Variants in TENM3 observed in about 807,000 individuals in gnomAD.
The protein encoded by TENM3 is teneurin transmembrane protein 3.
A neutral mutation model predicts 255.1 loss-of-function variants in TENM3; 63 were observed. That is an observed-to-expected ratio of 0.25 (90% CI 0.20 to 0.30). The LOEUF (loss-of-function observed/expected upper bound fraction) is 0.30, where lower values mean the gene tolerates loss of function less well. Among genes scored for constraint, TENM3 ranks in the 10% least tolerant of loss-of-function variants. TENM3 has a pLI of 1.00. For missense variants in TENM3, 2,929 were observed against 3,461.1 expected (o/e 0.85, Z 3.86); for synonymous variants, 1,306 against 1,322.3 (o/e 0.99, Z 0.27).
chr4:182,148,850 A>T (rs765718870), intron 1 of TENM3, among the ~76,000 whole-genome samples: 11 of 151,878 alleles, frequency 7.2e-5, no homozygotes, highest in African/African-American at 4.8e-5. Flanking sequence ...CCACTTTAAG[A>T]TTTTCTTGGG....
chr4:181,762,444 A>G, the TENM3 span, among the ~76,000 whole-genome samples: 1 of 152,152 alleles, frequency 6.6e-6, no homozygotes, highest in South Asian at 2.1e-4. Flanking sequence ...TGCTTAATGC[A>G]TCATGCTCTC....
In TENM3 at chr4:182,788,951, C is replaced by T. The variant is rs962797587; in HGVS notation, c.5305-142C>T. ...TTTTAAAAGAGCAGTTAATCTACTG[C>T]CTTGCACTTGTACCCAAGAAGTTGC... On this transcript the variant is annotated intron_variant, in intron 24 of 27. Coordinates refer to ENST00000511685, the MANE Select transcript of TENM3 (RefSeq NM_001080477.4). 45 of 669,648 alleles carry T rather than the reference C, an allele frequency of 6.7e-5. 1 individual carries two copies. The highest frequency in any genetic ancestry group is 1.0e-4 in the Non-Finnish European group (42 of 407,248). 41.5% of individuals were successfully genotyped at this position (669,648 alleles called of 1,614,324 possible).
intron 2 of TENM3, among the ~76,000 whole-genome samples, chr4:182,331,381 A>G (rs745379421): frequency 6.6e-6 from 1 of 152,082 alleles, no homozygotes; most frequent in South Asian, 2.1e-4. Context: ...CCCGGTCTCT[A>G]CTAAAAATAC....
chr4:182,321,514 T>C (rs1461688146), intron 1 of TENM3, among the ~76,000 whole-genome samples: 1 of 152,060 alleles, frequency 6.6e-6, no homozygotes, highest in Non-Finnish European at 1.5e-5. Context: ...TAAGTCCAGC[T>C]ACTCGGGAGG....
the TENM3 span, among the ~76,000 whole-genome samples, chr4:181,577,160 A>T: frequency 6.0e-5 from 8 of 133,738 alleles, no homozygotes; most frequent in South Asian, 4.3e-4. Flanking sequence ...TATATATATA[A>T]ATAATATATA....
At chr4:181,516,124 A>G in the TENM3 span, among the ~76,000 whole-genome samples, 1 of 152,188 alleles carries the variant, frequency 6.6e-6, no homozygotes, top group Admixed American at 6.5e-5. Context: ...GAAACACTGC[A>G]TGTTCTCACT....
chr4:182,771,498 TGG>T lies in TENM3; in HGVS notation c.4893-1964_4893-1963del, dbSNP rs35700441. Among the ~76,000 whole-genome samples the T allele has an allele frequency of 4.1e-3, 569 of 140,196 alleles. 8 individuals are homozygous for T. Among genetic ancestry groups the T allele is most frequent in the Non-Finnish European group, 6.2e-3 (398 of 64,368 alleles). 92.0% of individuals were successfully genotyped at this position (140,196 alleles called of 152,430 possible). A position where few individuals can be genotyped will look rare whatever the true frequency, so the allele number is the denominator to read the frequency against. ...GTATTTTCATTTTCCGTCTCTGAAATGGGGGGGGGGGAAATAGTACAATACAG... is the reference window on the plus strand; with the variant it reads ...GTATTTTCATTTTCCGTCTCTGAAATGGGGGGGGGAAATAGTACAATACAG... On this transcript the variant is annotated intron_variant, in intron 22 of 27. Coordinates refer to ENST00000511685, the MANE Select transcript of TENM3 (RefSeq NM_001080477.4).
chr4:182,081,290 T>A, the TENM3 span, among the ~76,000 whole-genome samples: 3 of 151,932 alleles, frequency 2.0e-5, no homozygotes, highest in African/African-American at 7.2e-5. Flanking sequence ...AAGAAGGATG[T>A]CTCAGGCCAG....
At chr4:182,540,558 A>G (rs1740771877) in intron 3 of TENM3, among the ~76,000 whole-genome samples, 1 of 152,140 alleles carries the variant, frequency 6.6e-6, no homozygotes, top group South Asian at 2.1e-4. Flanking sequence ...TTGCACTCCA[A>G]CCTGGAGAAG....
intron 3 of TENM3, among the ~76,000 whole-genome samples, chr4:182,398,886 A>G (rs1769037118): frequency 6.6e-6 from 1 of 152,202 alleles, no homozygotes; most frequent in Non-Finnish European, 1.5e-5. Flanking sequence ...TTTGGGAGTT[A>G]AAAAATGGAT....
At chr4:182,598,576 A>G (rs1369024229) in intron 3 of TENM3, among the ~76,000 whole-genome samples, 2 of 152,232 alleles carry the variant, frequency 1.3e-5, no homozygotes, top group African/African-American at 4.8e-5. Context: ...AAACATGATG[A>G]TAATGGATCT....
the TENM3 span, among the ~76,000 whole-genome samples, chr4:182,027,701 T>C: frequency 6.6e-6 from 1 of 152,198 alleles, no homozygotes; most frequent in Non-Finnish European, 1.5e-5. Flanking sequence ...CATCAAATGC[T>C]TTTTAAGCAT....
chr4:182,066,626 T>C, the TENM3 span, among the ~76,000 whole-genome samples: 1 of 146,404 alleles, frequency 6.8e-6, no homozygotes, highest in Non-Finnish European at 1.5e-5. Context: ...ATATATAAGC[T>C]TGGGCCAGGC....
the TENM3 span, among the ~76,000 whole-genome samples, chr4:181,523,949 G>T: frequency 6.6e-5 from 10 of 152,092 alleles, no homozygotes; most frequent in Non-Finnish European, 1.3e-4. Context: ...GTCTTTGTTG[G>T]TTTCCTTTTT....
the TENM3 span, among the ~76,000 whole-genome samples, chr4:181,551,797 G>A: frequency 0.13 from 19,136 of 146,376 alleles, 1,448 homozygotes; most frequent in Middle Eastern, 0.26. Flanking sequence ...TTGCAAAATA[G>A]GCAGTTAATA....
the TENM3 span, among the ~76,000 whole-genome samples, chr4:181,616,306 C>A: frequency 1.8e-5 from 2 of 108,684 alleles, no homozygotes; most frequent in Non-Finnish European, 1.9e-5. Flanking sequence ...AAAAAAGAAC[C>A]CATAGAATAC....
At chr4:181,971,714 G>A in the TENM3 span, among the ~76,000 whole-genome samples, 1 of 151,968 alleles carries the variant, frequency 6.6e-6, no homozygotes, top group South Asian at 2.1e-4. Flanking sequence ...CCACAGGCAT[G>A]CACCACCATG....
intron 1 of TENM3, among the ~76,000 whole-genome samples, chr4:182,149,322 C>T (rs185396970): frequency 7.6e-4 from 115 of 152,060 alleles, no homozygotes; most frequent in African/African-American, 2.7e-3. Flanking sequence ...ACAGATGTTT[C>T]GTACACTGAA....
chr4:182,042,751 G>C, the TENM3 span, among the ~76,000 whole-genome samples: 79 of 152,228 alleles, frequency 5.2e-4, no homozygotes, highest in African/African-American at 1.8e-3. Context: ...AATGATGTCA[G>C]AAGTTTAGAG....
Sources: gnomAD v4.1 joint callset for allele counts (sites outside exome capture counted in the v4.1 genomes callset) on GRCh38, gnomAD v4.1.1 for gene constraint, MANE v1.5 for transcripts, NCBI Gene and HGNC (gene_info 2026-07-23, HGNC 2026-07-21) for gene names.